The following CASK variants were observed in gnomAD, a reference collection of about 807,000 sequenced individuals.
CASK encodes the protein peripheral plasma membrane protein CASK.
In CASK, 4 loss-of-function variants were observed where a neutral mutation model predicts 82.9. That is an observed-to-expected ratio of 0.05 (90% CI 0.02 to 0.11). CASK has a LOEUF of 0.11. CASK is among the 10% of genes least tolerant of loss of function. CASK has a pLI of 1.00. For synonymous variants in CASK, 259 were observed against 253.5 expected (o/e 1.02, Z -0.20); for missense variants, 358 against 720.9 (o/e 0.50, Z 5.76).
chrX:41,668,072 C>G (rs1357544255), intron 6 of CASK, among the ~76,000 whole-genome samples: 1 of 111,609 alleles, frequency 9.0e-6, no homozygotes, highest in Non-Finnish European at 1.9e-5. Context: ...GACTAGCAAC[C>G]AGTTTATTTC....
chrX:41,730,628 T>C (rs747658410), intron 5 of CASK, among the ~76,000 whole-genome samples: 2 of 111,507 alleles, frequency 1.8e-5, no homozygotes, highest in Non-Finnish European at 3.8e-5. Flanking sequence ...TTTCTAGACA[T>C]GTAAATCATA....
At chrX:41,643,828 G>C (rs1268124699) in intron 8 of CASK, among the ~76,000 whole-genome samples, 1 of 111,967 alleles carries the variant, frequency 8.9e-6, no homozygotes, top group Non-Finnish European at 1.9e-5. Flanking sequence ...GGAGTGGTGA[G>C]AGAGGGCATT....
In CASK at chrX:41,833,372, C is replaced by T. The variant is rs150785304; in HGVS notation, c.172+19743G>A. Among the ~76,000 whole-genome samples the T allele has an allele frequency of 6.3e-3, 696 of 111,248 alleles. 8 individuals carry two copies. The highest frequency in any genetic ancestry group is 0.022 in the African/African-American group (662 of 30,544). Reference sequence around the variant, plus strand: ...GGATGAACCTTGAAAATATGTAAGGCGAAAGAAGCCAGATGCAACACATAT... The same window carrying T: ...GGATGAACCTTGAAAATATGTAAGGTGAAAGAAGCCAGATGCAACACATAT... On this transcript the variant is annotated intron_variant, in intron 2 of 26. Transcript: ENST00000378163.
Position 41,561,876 on chromosome X carries a change from A to G in CASK, c.1583-232T>C, listed in dbSNP as rs552006253. ...TTTTGATGGATGGCTGCAGAAATCT[A>G]TTTTTCTGAGAGAGGTGGTATGTAT... On this transcript the variant is annotated intron_variant, in intron 16 of 26. Transcript: ENST00000378163. 2.9e-4 allele frequency: 104 copies of G among 357,746 alleles called. 1 individual carries two copies. The South Asian group carries it at 4.1e-3, about 14-fold the overall frequency. 29.5% of individuals were successfully genotyped at this position (357,746 alleles called of 1,213,427 possible).
At position 41,519,171 on chromosome X, in the gene CASK, C is replaced by G. The variant is rs1275099148; in HGVS notation, c.*1249G>C. The G allele has an allele frequency of 1.8e-5, 2 of 111,531 alleles. No individual in the cohort carries two copies. Among genetic ancestry groups the G allele is most frequent in the African/African-American group, 3.3e-5 (1 of 30,627 alleles). The allele number at this position is 111,531 out of a possible 1,213,427, so 9.2% of individuals were successfully genotyped here. A position where few individuals can be genotyped will look rare whatever the true frequency, so the allele number is the denominator to read the frequency against. ...AAGATTATCAGCTTGGAAGCCTGAACAAATCTATAATGAAATGAAGGACCC... is the reference window on the plus strand; with the variant it reads ...AAGATTATCAGCTTGGAAGCCTGAAGAAATCTATAATGAAATGAAGGACCC... On this transcript the variant is annotated 3_prime_UTR_variant, in exon 27 of 27. Transcript: ENST00000378163.
intron 8 of CASK, among the ~76,000 whole-genome samples, chrX:41,653,696 A>G (rs750768497): frequency 8.9e-6 from 1 of 112,682 alleles, no homozygotes; most frequent in Admixed American, 9.4e-5. Context: ...CAGAGGGTAC[A>G]GTGTGAAGAA....
At chrX:41,590,636 A>C (rs1223217507) in intron 12 of CASK, among the ~76,000 whole-genome samples, 1 of 111,497 alleles carries the variant, frequency 9.0e-6, no homozygotes, top group East Asian at 2.8e-4. Flanking sequence ...TACAATTAAA[A>C]TATTAATTTC....
intron 12 of CASK, among the ~76,000 whole-genome samples, chrX:41,600,900 G>T (rs1017284394): frequency 3.6e-5 from 4 of 111,705 alleles, no homozygotes; most frequent in Non-Finnish European, 7.5e-5. Flanking sequence ...CACACACGAT[G>T]GAATATTATT....
At chrX:41,862,472 C>T (rs1242440750) in intron 1 of CASK, among the ~76,000 whole-genome samples, 2 of 99,277 alleles carry the variant, frequency 2.0e-5, no homozygotes, top group Admixed American at 1.2e-4. Flanking sequence ...ACCCAGAAGG[C>T]GGAGGTTGCA....
rs769591888 is a variant in CASK, at chrX:41,851,016, C to T, written c.172+2099G>A. On this transcript the variant is annotated intron_variant, in intron 2 of 26. Coordinates refer to ENST00000378163, the MANE Select transcript of CASK (RefSeq NM_001367721.1). ...ATTGTTTCCTAACTTTATACTGAGT[C>T]GCTGTGCTAAAGAAGATGGAAAAAC... Among the ~76,000 whole-genome samples the T allele has an allele frequency of 5.4e-5, 6 of 111,245 alleles. No individual in the cohort carries two copies. The South Asian group carries it at 1.5e-3, about 28-fold the overall frequency.
intron 21 of CASK, among the ~76,000 whole-genome samples, chrX:41,551,803 C>G (rs771367900): frequency 9.7e-4 from 100 of 103,086 alleles, no homozygotes; most frequent in African/African-American, 3.4e-3. Context: ...TTGTTTGAAC[C>G]CAGGAGGTAG....
intron 1 of CASK, among the ~76,000 whole-genome samples, chrX:41,858,719 T>C (rs1006216518): frequency 3.6e-5 from 4 of 111,927 alleles, no homozygotes; most frequent in African/African-American, 9.7e-5. Flanking sequence ...CTTCATACAA[T>C]AGTAGTAATA....
chrX:41,562,334 T>C (rs1255769581), intron 16 of CASK: 1 of 112,761 alleles, frequency 8.9e-6, no homozygotes, highest in Non-Finnish European at 1.9e-5. Flanking sequence ...TTATTTACAA[T>C]GTTGCTTCCT....
At position 41,618,586 on chromosome X, in the gene CASK, G is replaced by A. The variant is rs774416592; in HGVS notation, c.1033+4031C>T. Among the ~76,000 whole-genome samples, 107 of 110,029 alleles carry A rather than the reference G, an allele frequency of 9.7e-4. 1 individual carries two copies. The highest frequency in any genetic ancestry group is 1.7e-3 in the Non-Finnish European group (88 of 52,596). On this transcript the variant is annotated intron_variant, in intron 11 of 26. Transcript: ENST00000378163. The stretch of plus-strand genomic sequence containing the variant: ...CCAAAGTGCTGGGATTATAGGCATT[G>A]AGCCACCATGCTTGGTCAGCAAGTG...
At chrX:41,876,738 A>G (rs747169625) in intron 1 of CASK, among the ~76,000 whole-genome samples, 126 of 112,352 alleles carry the variant, frequency 1.1e-3, no homozygotes, top group Non-Finnish European at 8.1e-4. Context: ...CTGCATATTG[A>G]TTTAGATTCC....
At chrX:41,677,189 C>T (rs994695810) in intron 5 of CASK, among the ~76,000 whole-genome samples, 1 of 107,067 alleles carries the variant, frequency 9.3e-6, no homozygotes, top group Non-Finnish European at 1.9e-5. Context: ...TGGTCTCATA[C>T]GTATTGAGTT....
chrX:41,851,211 A>G (rs2071260125), intron 2 of CASK, among the ~76,000 whole-genome samples: 1 of 111,964 alleles, frequency 8.9e-6, no homozygotes, highest in Non-Finnish European at 1.9e-5. Flanking sequence ...TGAAAAGAGT[A>G]CATGATTCTA....
Position 41,739,437 on chromosome X carries a change from G to A in CASK, c.376C>T (p.Leu126=), listed in dbSNP as rs2068558301. 8.6e-7 allele frequency: 1 copy of A among 1,168,503 alleles called. No individual in the cohort carries two copies. The highest frequency in any genetic ancestry group is 2.2e-5 in the Admixed American group (1 of 45,629). Residue 126 remains leucine, a synonymous_variant, in exon 5 of 27, where the codon CTG becomes TTG. Transcript: ENST00000378163. ...TCATGGCAGTAGCGTAGAGCTTCCA[G>A]TATCTGTCTCATATAATGGCTGTAA... is the stretch of plus-strand genomic sequence containing the variant. ...AVASHYMRQI[L]EALRYCHDNN...
At chrX:41,547,408 C>CTGTGTCCCTGTGGTATCTTTAG (rs2065038616) in intron 21 of CASK, among the ~76,000 whole-genome samples, 2 of 110,996 alleles carry the variant, frequency 1.8e-5, no homozygotes, top group East Asian at 5.6e-4. Context: ...ATTTTTCTGA[C>CTGTGTCCCTGTGGTATCTTTAG]TGTGTCCCTG....
Sources: allele counts gnomAD v4.1 joint callset (sites outside exome capture counted in the v4.1 genomes callset), GRCh38; gene constraint gnomAD v4.1.1; transcripts MANE v1.5; gene names NCBI Gene and HGNC (gene_info 2026-07-23, HGNC 2026-07-21).